ACSS3: variants seen among roughly 807,000 people sequenced by gnomAD.
ACSS3 encodes acyl-CoA synthetase short-chain family member 3, mitochondrial.
ACSS3 carries 64 observed loss-of-function variants against 84.2 expected under a neutral mutation model. That is an observed-to-expected ratio of 0.76 (90% confidence interval 0.62 to 0.94). The LOEUF (loss-of-function observed/expected upper bound fraction) is 0.94, where lower values mean the gene tolerates loss of function less well. ACSS3 is among the 40% of genes least tolerant of loss of function. ACSS3 has a pLI of 0.00. For synonymous variants in ACSS3, 317 were observed against 310.1 expected (o/e 1.02, Z -0.23); for missense variants, 815 against 867.6 (o/e 0.94, Z 0.76).
Position 81,201,413 on chromosome 12 carries a change from C to T in ACSS3, c.1354+1969C>T, listed in dbSNP as rs137970932. Among the ~76,000 whole-genome samples the T allele has an allele frequency of 2.6e-5, 4 of 152,312 alleles. No individual in the cohort carries two copies. In the East Asian group the frequency reaches 7.7e-4, roughly 29 times the overall value. On this transcript the variant is annotated intron_variant, in intron 9 of 15. Coordinates refer to ENST00000548058, the MANE Select transcript of ACSS3 (RefSeq NM_024560.4). ...CAAAACTCACTGAAGAAAACTAGCA[C>T]ATTCACAAATAAAATTATAAAATTC...
At chr12:81,227,424 A>ACAC (rs1565732073) in intron 11 of ACSS3, among the ~76,000 whole-genome samples, 35 of 124,566 alleles carry the variant, frequency 2.8e-4, no homozygotes, top group African/African-American at 1.0e-3. Flanking sequence ...CACACACACA[A>ACAC]GTGTTGATTA....
At chr12:81,104,464 C>T (rs1467388789) in intron 1 of ACSS3, among the ~76,000 whole-genome samples, 3 of 152,086 alleles carry the variant, frequency 2.0e-5, no homozygotes, top group African/African-American at 7.2e-5. Flanking sequence ...TCTGCTCTTG[C>T]CAAGGTGTAG....
chr12:81,174,894 A>G lies in ACSS3; in HGVS notation c.1205A>G (p.Gln402Arg). 2 of 1,614,028 alleles carry G rather than the reference A, an allele frequency of 1.2e-6. No individual in the cohort carries two copies. Among genetic ancestry groups the G allele is most frequent in the Non-Finnish European group, 1.7e-6 (2 of 1,179,928 alleles). The change falls in exon 8 of 16, where the codon CAA becomes CGA. Residue 402 changes from glutamine to arginine, a missense_variant. Transcript: ENST00000548058. ...CCAACTGCAATTAGAGCAATCCGTC[A>G]ACAGGACCCTGGGGCAGCTTTGGGG... Reference protein sequence around the residue: ...TAPTAIRAIRQQDPGAALGKQ... With the variant: ...TAPTAIRAIRRQDPGAALGKQ...
intron 2 of ACSS3, among the ~76,000 whole-genome samples, chr12:81,114,874 A>G (rs1332473622): frequency 6.6e-6 from 1 of 152,172 alleles, no homozygotes; most frequent in African/African-American, 2.4e-5. Flanking sequence ...AAGAAACAGA[A>G]TATTTCCAGG....
rs1377999646 is a variant in ACSS3 at position 81,260,262 on chromosome 12, A to G, written c.*5340A>G. ...CACCCAAACAAAAAATGGTTGTCCTAGATTGAATTATTGTAAATGAATACT... is the reference window on the plus strand; with the variant it reads ...CACCCAAACAAAAAATGGTTGTCCTGGATTGAATTATTGTAAATGAATACT... On this transcript the variant is annotated 3_prime_UTR_variant, in exon 16 of 16. Coordinates refer to ENST00000548058, the MANE Select transcript of ACSS3 (RefSeq NM_024560.4). 6.6e-6 allele frequency: 1 copy of G among 152,192 alleles called. No individual in the cohort carries two copies. The highest frequency in any genetic ancestry group is 1.5e-5 in the Non-Finnish European group (1 of 68,026). 9.4% of individuals were successfully genotyped at this position (152,192 alleles called of 1,614,324 possible). A position where few individuals can be genotyped will look rare whatever the true frequency, so the allele number is the denominator to read the frequency against.
chr12:81,191,463 A>G (rs947361527), intron 8 of ACSS3, among the ~76,000 whole-genome samples: 2 of 152,132 alleles, frequency 1.3e-5, no homozygotes, highest in Non-Finnish European at 2.9e-5. Context: ...TGGGCATGGA[A>G]GTCTTTTTCC....
At chr12:81,151,972 T>TATATTC (rs779477455) in intron 6 of ACSS3, 29 bp from the exon 7 acceptor site, 2 of 1,612,202 alleles carry the variant, frequency 1.2e-6, no homozygotes, top group South Asian at 2.2e-5. Flanking sequence ...CTGAATAAAA[T>TATATTC]ATATTCATTT....
chr12:81,248,899 C>A (rs1015086831), intron 13 of ACSS3, among the ~76,000 whole-genome samples: 1 of 151,776 alleles, frequency 6.6e-6, no homozygotes, highest in African/African-American at 2.4e-5. Flanking sequence ...ATTTATATTA[C>A]CTAAATCAAG....
At chr12:81,124,466 C>A (rs1204020592) in intron 2 of ACSS3, 1 of 152,196 alleles carries the variant, frequency 6.6e-6, no homozygotes, top group African/African-American at 2.4e-5. Context: ...AGACCTGGAT[C>A]AATCCAATTT....
chr12:81,155,301 C>G (rs1481440105), intron 7 of ACSS3, among the ~76,000 whole-genome samples: 5 of 152,144 alleles, frequency 3.3e-5, no homozygotes, highest in Non-Finnish European at 7.3e-5. Flanking sequence ...TTTTCTTATT[C>G]TGCTTACGTT....
intron 5 of ACSS3, 22 bp downstream of exon 5, chr12:81,143,269 A>G (rs1357505505): frequency 6.4e-7 from 1 of 1,558,188 alleles, no homozygotes; most frequent in South Asian, 1.2e-5. Flanking sequence ...CTTAGAGATA[A>G]CTATCTATAG....
rs776097345 is a variant in ACSS3 at position 81,253,575 on chromosome 12, C to A, written c.1900C>A (p.Arg634=). Reference sequence around the variant, plus strand: ...GAACATTGGCCCTGTGGCTGCTTTTCGAAATGCAGTGTTTGTCAAACAGCT... The same window carrying A: ...GAACATTGGCCCTGTGGCTGCTTTTAGAAATGCAGTGTTTGTCAAACAGCT... The part of the protein sequence containing the change: ...RQNIGPVAAF[R]NAVFVKQLPK... Residue 634 remains arginine, a synonymous_variant, in exon 15 of 16, where the codon CGA becomes AGA. Coordinates refer to ENST00000548058, the MANE Select transcript of ACSS3 (RefSeq NM_024560.4). 1 of 1,613,804 alleles carries A rather than the reference C, an allele frequency of 6.2e-7. No individual in the cohort carries two copies. The highest frequency in any genetic ancestry group is 8.5e-7 in the Non-Finnish European group (1 of 1,179,924).
chr12:81,257,122 T>C lies in ACSS3; in HGVS notation c.*2200T>C, dbSNP rs1196439743. On this transcript the variant is annotated 3_prime_UTR_variant, in exon 16 of 16. Coordinates refer to ENST00000548058, the MANE Select transcript of ACSS3 (RefSeq NM_024560.4). ...AATTAGGTAAAGGTTGCATCTTTGG[T>C]CCTCTTGCACATTTTTTCTGGTAAT... The C allele has an allele frequency of 1.3e-5, 2 of 152,168 alleles. No homozygotes were observed. Among genetic ancestry groups the C allele is most frequent in the African/African-American group, 4.8e-5 (2 of 41,438 alleles). The allele number at this position is 152,168 out of a possible 1,614,324, so 9.4% of individuals were successfully genotyped here. A position where few individuals can be genotyped will look rare whatever the true frequency, so the allele number is the denominator to read the frequency against.
intron 7 of ACSS3, among the ~76,000 whole-genome samples, chr12:81,152,409 A>T (rs558273561): frequency 6.6e-6 from 1 of 152,236 alleles, no homozygotes; most frequent in African/African-American, 2.4e-5. Context: ...AATAGTTATC[A>T]TAAAACAAGC....
chr12:81,215,128 T>G (rs545353662), intron 9 of ACSS3, among the ~76,000 whole-genome samples: 1 of 152,298 alleles, frequency 6.6e-6, no homozygotes, highest in Non-Finnish European at 1.5e-5. Flanking sequence ...CTGTTAACAC[T>G]TCTGACCATG....
chr12:81,078,173 G>A lies in ACSS3; in HGVS notation c.53G>A (p.Gly18Glu), dbSNP rs1377170069. 21 of 1,524,458 alleles carry A rather than the reference G, an allele frequency of 1.4e-5. No individual in the cohort carries two copies. The highest frequency in any genetic ancestry group is 1.8e-5 in the Non-Finnish European group (21 of 1,141,118). 94.4% of individuals were successfully genotyped at this position (1,524,458 alleles called of 1,614,324 possible). A position where few individuals can be genotyped will look rare whatever the true frequency, so the allele number is the denominator to read the frequency against. Residue 18 changes from glycine (G) to glutamate (E), a missense_variant, in exon 1 of 16, where the codon GGA (glycine) becomes GAA (glutamate). Coordinates refer to ENST00000548058, the MANE Select transcript of ACSS3 (RefSeq NM_024560.4). ...AAAGTCACCAGCGCCGGGGGGCTCGGAGGGCCCTTGCCTGGGTCCTCTCCG... is the reference window on the plus strand; with the variant it reads ...AAAGTCACCAGCGCCGGGGGGCTCGAAGGGCCCTTGCCTGGGTCCTCTCCG... ...CRKVTSAGGL[G>E]GPLPGSSPAR...
At position 81,256,675 on chromosome 12, in the gene ACSS3, G is replaced by T. The variant is rs1388750949; in HGVS notation, c.*1753G>T. On this transcript the variant is annotated 3_prime_UTR_variant, in exon 16 of 16. Coordinates refer to ENST00000548058, the MANE Select transcript of ACSS3 (RefSeq NM_024560.4). ...ATAGAAAGTTTATTGTTATAAAAAT[G>T]ACCTACAACTTATATAAAAAAATTC... is the stretch of plus-strand genomic sequence containing the variant. 6.6e-6 allele frequency: 1 copy of T among 152,050 alleles called. No homozygotes were observed. Among genetic ancestry groups the T allele is most frequent in the Non-Finnish European group, 1.5e-5 (1 of 67,988 alleles). 9.4% of individuals were successfully genotyped at this position (152,050 alleles called of 1,614,324 possible). A position where few individuals can be genotyped will look rare whatever the true frequency, so the allele number is the denominator to read the frequency against.
intron 9 of ACSS3, among the ~76,000 whole-genome samples, chr12:81,208,151 C>T (rs2032428409): frequency 6.6e-6 from 1 of 152,094 alleles, no homozygotes; most frequent in South Asian, 2.1e-4. Flanking sequence ...GGTTTCTTTA[C>T]AAATTGCCTC....
At chr12:81,244,919 G>GT (rs1419957348) in intron 13 of ACSS3, among the ~76,000 whole-genome samples, 2 of 151,980 alleles carry the variant, frequency 1.3e-5, no homozygotes, top group African/African-American at 4.8e-5. Context: ...GTGTGTGTGT[G>GT]TGTGTGTGTG....
Sources: allele counts gnomAD v4.1 joint callset (sites outside exome capture counted in the v4.1 genomes callset), GRCh38; gene constraint gnomAD v4.1.1; transcripts MANE v1.5; gene names NCBI Gene and HGNC (gene_info 2026-07-23, HGNC 2026-07-21).